Variants in PTBP3 observed in about 807,000 individuals in gnomAD.
The protein encoded by PTBP3 is polypyrimidine tract-binding protein 3.
A neutral mutation model predicts 58.7 loss-of-function variants in PTBP3; 20 were observed. The observed-to-expected ratio is 0.34, with a 90% CI of 0.24 to 0.50. PTBP3 has a LOEUF of 0.50. PTBP3 is among the 20% of genes least tolerant of loss of function. The probability of loss-of-function intolerance (pLI) is 0.98; values close to 1 mark genes in which losing one functional copy is unlikely to be tolerated. For synonymous variants in PTBP3, 185 were observed against 219.8 expected (o/e 0.84, Z 1.40); for missense variants, 509 against 637.2 (o/e 0.80, Z 2.17).
intron 2 of PTBP3, among the ~76,000 whole-genome samples, chr9:112,281,589 C>T (rs1278274189): frequency 1.3e-5 from 2 of 152,146 alleles, no homozygotes; most frequent in African/African-American, 4.8e-5. Context: ...GGAAAGTGTT[C>T]CCACCTCCTT....
At chr9:112,227,263 G>T in intron 12 of PTBP3, 148 bp downstream of exon 12, 1 of 745,474 alleles carries the variant, frequency 1.3e-6, no homozygotes, top group Non-Finnish European at 2.2e-6. Flanking sequence ...ACCTTCTGAA[G>T]GCATGATGGC....
intron 1 of PTBP3, among the ~76,000 whole-genome samples, chr9:112,307,078 TAAGTA>T (rs551429279): frequency 1.1e-3 from 170 of 152,228 alleles, no homozygotes; most frequent in Non-Finnish European, 1.9e-3. Context: ...AAATAACACA[TAAGTA>T]AAGGGGACCC....
Position 112,227,468 on chromosome 9 carries a change from G to C in PTBP3, c.1307C>G (p.Ser436Cys). ...TGGAAAGATATTCTGGAAGTTTTTA[G>C]AGCCCGGCTTTTTAAAGCGATGCAA... Reference protein sequence around the residue: ...SPLHRFKKPGSKNFQNIFPPS... With the variant: ...SPLHRFKKPGCKNFQNIFPPS... The change falls in exon 12 of 14, where the codon TCT becomes TGT. Residue 436 changes from serine (S) to cysteine (C), a missense_variant. Around this residue, in one of 4 missense-constraint regions of PTBP3, gnomAD observed 135 missense variants for 229.0 expected, o/e 0.59. Coordinates refer to ENST00000374257, the MANE Select transcript of PTBP3 (RefSeq NM_001163788.4). The C allele has an allele frequency of 6.2e-7, 1 of 1,614,006 alleles. No homozygotes were observed. The highest frequency in any genetic ancestry group is 8.5e-7 in the Non-Finnish European group (1 of 1,179,922).
At chr9:112,226,291 C>G (rs1486072476) in intron 12 of PTBP3, among the ~76,000 whole-genome samples, 1 of 151,956 alleles carries the variant, frequency 6.6e-6, no homozygotes, top group Non-Finnish European at 1.5e-5. Flanking sequence ...AACTGGAGAC[C>G]AGCAGGGAGG....
chr9:112,256,695 T>A (rs1836380678), intron 5 of PTBP3, among the ~76,000 whole-genome samples: 1 of 151,980 alleles, frequency 6.6e-6, no homozygotes, highest in South Asian at 2.1e-4. Context: ...GGCTAATTTT[T>A]AAATTTTTTT....
chr9:112,313,437 T>C (rs1829568823), intron 1 of PTBP3, among the ~76,000 whole-genome samples: 1 of 152,242 alleles, frequency 6.6e-6, no homozygotes, highest in African/African-American at 2.4e-5. Flanking sequence ...CTGTATTGTT[T>C]ATCCATGCCT....
chr9:112,340,186 C>A, the PTBP3 span, among the ~76,000 whole-genome samples: 1 of 152,166 alleles, frequency 6.6e-6, no homozygotes. Flanking sequence ...ACATAATAGG[C>A]AGCCAATATT....
chr9:112,352,898 CTTTT>C, the PTBP3 span, among the ~76,000 whole-genome samples: 1,090 of 150,956 alleles, frequency 7.2e-3, 6 homozygotes, highest in Middle Eastern at 0.021. Flanking sequence ...TAATGACTTT[CTTTT>C]TTTTCTTTTT....
chr9:112,337,691 T>G (rs1830588502), upstream of PTBP3, among the ~76,000 whole-genome samples: 1 of 152,262 alleles, frequency 6.6e-6, no homozygotes. Flanking sequence ...TCTTGTGTTT[T>G]TGTTCTGATT....
the PTBP3 span, among the ~76,000 whole-genome samples, chr9:112,359,863 C>T: frequency 6.7e-6 from 1 of 150,132 alleles, no homozygotes; most frequent in African/African-American, 2.4e-5. Flanking sequence ...AGTTTCAAAA[C>T]AATACAATAT....
intron 2 of PTBP3, among the ~76,000 whole-genome samples, chr9:112,295,533 T>A (rs10981347): frequency 1.3e-5 from 2 of 148,944 alleles, no homozygotes; most frequent in African/African-American, 4.9e-5. Flanking sequence ...CTAGCTATAA[T>A]GAAGAACAGA....
the PTBP3 span, among the ~76,000 whole-genome samples, chr9:112,376,272 T>TTG: frequency 6.9e-6 from 1 of 143,928 alleles, no homozygotes; most frequent in Non-Finnish European, 1.5e-5. Context: ...TTTTTTTTTT[T>TTG]GAGAAAGAGT....
intron 6 of PTBP3, chr9:112,252,297 T>C: frequency 4.1e-6 from 1 of 242,698 alleles, no homozygotes. Flanking sequence ...TGATCTCATC[T>C]GATCTCAGAA....
the PTBP3 span, among the ~76,000 whole-genome samples, chr9:112,342,600 C>A: frequency 6.6e-6 from 1 of 152,112 alleles, no homozygotes; most frequent in African/African-American, 2.4e-5. Flanking sequence ...CCTGTAATCT[C>A]AGCTACTCAG....
chr9:112,257,416 T>C (rs114280956), intron 5 of PTBP3, among the ~76,000 whole-genome samples: 332 of 152,326 alleles, frequency 2.2e-3, no homozygotes, highest in African/African-American at 7.6e-3. Context: ...AATCTATTTT[T>C]ATGAATTATA....
chr9:112,354,038 A>G, the PTBP3 span, among the ~76,000 whole-genome samples: 2 of 152,176 alleles, frequency 1.3e-5, no homozygotes, highest in Non-Finnish European at 2.9e-5. Flanking sequence ...CGGCTATCTG[A>G]GACCACATCA....
chr9:112,300,241 T>A (rs1828859098), intron 1 of PTBP3, among the ~76,000 whole-genome samples: 1 of 152,344 alleles, frequency 6.6e-6, no homozygotes, highest in African/African-American at 2.4e-5. Flanking sequence ...TTACATAGTC[T>A]ACTCCGATGC....
At chr9:112,346,154 T>C in the PTBP3 span, among the ~76,000 whole-genome samples, 1 of 150,884 alleles carries the variant, frequency 6.6e-6, no homozygotes, top group African/African-American at 2.4e-5. Context: ...ATAAAAACTT[T>C]CTTTTCTTTT....
At chr9:112,326,547 A>G (rs926152765) in intron 1 of PTBP3, among the ~76,000 whole-genome samples, 1 of 152,262 alleles carries the variant, frequency 6.6e-6, no homozygotes, top group Admixed American at 6.5e-5. Flanking sequence ...GTTCTCTTCT[A>G]TATACTGACA....
Sources: gnomAD v4.1 joint callset for allele counts (sites outside exome capture counted in the v4.1 genomes callset) on GRCh38, gnomAD v4.1.1 for gene constraint, gnomAD v4.1.1 regional missense constraint, MANE v1.5 for transcripts, NCBI Gene and HGNC (gene_info 2026-07-23, HGNC 2026-07-21) for gene names.